PTPN22: variants seen among roughly 807,000 people sequenced by gnomAD.
PTPN22 encodes tyrosine-protein phosphatase non-receptor type 22.
A neutral mutation model predicts 103.3 loss-of-function variants in PTPN22; 85 were observed. The observed-to-expected ratio is 0.82, with a 90% CI of 0.69 to 0.99. The LOEUF (loss-of-function observed/expected upper bound fraction) is 0.99. Ranked by LOEUF, PTPN22 falls within the 50% of genes least tolerant of loss-of-function variation. The pLI, the probability that PTPN22 is intolerant of heterozygous loss-of-function variation, is 0.00. For synonymous variants in PTPN22, 323 were observed against 310.2 expected, an observed-to-expected ratio of 1.04 and a Z score of -0.43; for missense variants, 865 against 936.9, an observed-to-expected ratio of 0.92 and a Z score of 1.00.
chr1:113,832,639 A>G (rs1043314644), intron 16 of PTPN22, among the ~76,000 whole-genome samples: 1 of 152,246 alleles, frequency 6.6e-6, no homozygotes, highest in African/African-American at 2.4e-5. Flanking sequence ...GTATGAATAA[A>G]TATGTTAAGG....
At chr1:113,852,033 T>C (rs1443087930) in exon 10 of PTPN22, 1 of 1,604,542 alleles carries the variant, frequency 6.2e-7, no homozygotes, top group Non-Finnish European at 8.5e-7. Flanking sequence ...ATACCTGCGT[T>C]TGAACTAATG....
At chr1:113,823,307 C>T (rs888528645) in intron 19 of PTPN22, 1 of 152,132 alleles carries the variant, frequency 6.6e-6, no homozygotes, top group Non-Finnish European at 1.5e-5. Context: ...AAGAAGAATC[C>T]TAATTTCATT....
At chr1:113,858,403 C>G (rs1315625322) in intron 4 of PTPN22, 75 bp downstream of exon 4, 3 of 1,077,564 alleles carry the variant, frequency 2.8e-6, no homozygotes, top group Non-Finnish European at 4.0e-6. Flanking sequence ...CCCTGAAGTT[C>G]CACTGACCAA....
At chr1:113,853,445 G>A (rs1430102714) in intron 9 of PTPN22, among the ~76,000 whole-genome samples, 1 of 145,942 alleles carries the variant, frequency 6.9e-6, no homozygotes, top group Non-Finnish European at 1.5e-5. Context: ...CCACCTCCCA[G>A]GTTCAAGTGA....
intron 20 of PTPN22, chr1:113,815,448 TAAAC>T (rs1661070864): frequency 6.6e-6 from 1 of 152,314 alleles, no homozygotes; most frequent in Non-Finnish European, 1.5e-5. Flanking sequence ...TTAGAAAAAA[TAAAC>T]AATCCTGAAA....
chr1:113,820,182 G>A (rs756732994), intron 19 of PTPN22, among the ~76,000 whole-genome samples: 2 of 152,022 alleles, frequency 1.3e-5, no homozygotes, highest in Non-Finnish European at 2.9e-5. Flanking sequence ...AACCGGGCAC[G>A]GTGACTCACG....
intron 5 of PTPN22, chr1:113,856,935 T>A (rs941042499): frequency 4.2e-5 from 10 of 235,832 alleles, no homozygotes; most frequent in Admixed American, 3.0e-4. Flanking sequence ...AAATACCTAG[T>A]TCCCTTGCTT....
Position 113,829,875 on chromosome 1 carries a change from A to T in PTPN22, c.2134+74T>A, listed in dbSNP as rs1301770405. The T allele has an allele frequency of 5.1e-6, 7 of 1,373,938 alleles. No individual in the cohort carries two copies. The African/African-American group carries it at 1.0e-4, about 20-fold the overall frequency. 85.1% of individuals were successfully genotyped at this position (1,373,938 alleles called of 1,614,324 possible). A position where few individuals can be genotyped will look rare whatever the true frequency, so the allele number is the denominator to read the frequency against. Reference sequence around the variant, plus strand: ...TAATCATTTTTGTACCTTTCCATTTAGGTCCTACTTTATTGTTAATCTTTT... The same window carrying T: ...TAATCATTTTTGTACCTTTCCATTTTGGTCCTACTTTATTGTTAATCTTTT... On this transcript the variant is annotated intron_variant, in intron 17 of 20. Coordinates refer to ENST00000359785, the Ensembl canonical transcript of PTPN22.
At chr1:113,865,092 TA>T (rs1666011645) in intron 1 of PTPN22, among the ~76,000 whole-genome samples, 1 of 152,206 alleles carries the variant, frequency 6.6e-6, no homozygotes, top group African/African-American at 2.4e-5. Flanking sequence ...ATAGCCATTT[TA>T]AAAGGTTCTT....
At chr1:113,848,705 A>G (rs1664308210) in intron 10 of PTPN22, 79 bp from the exon 11 acceptor site, 9 of 1,286,716 alleles carry the variant, frequency 7.0e-6, no homozygotes, top group Non-Finnish European at 9.9e-6. Context: ...TTTTAGGAAT[A>G]TGAACACCAA....
intron 5 of PTPN22, 115 bp from the exon 6 acceptor site, chr1:113,856,734 A>AC (rs1665115176): frequency 1.1e-5 from 16 of 1,401,708 alleles, no homozygotes; most frequent in Non-Finnish European, 1.6e-5. Context: ...GGTGCGTCTA[A>AC]CCCCTTTGGG....
chr1:113,822,040 G>T (rs1661658059), intron 19 of PTPN22, among the ~76,000 whole-genome samples: 1 of 152,144 alleles, frequency 6.6e-6, no homozygotes, highest in African/African-American at 2.4e-5. Context: ...TCATAAGCCT[G>T]AACTCACATG....
intron 1 of PTPN22, among the ~76,000 whole-genome samples, chr1:113,865,039 G>T (rs946064753): frequency 3.3e-5 from 5 of 152,214 alleles, no homozygotes; most frequent in Non-Finnish European, 5.9e-5. Context: ...ACAAGAAAAT[G>T]AGCATGCTAT....
chr1:113,829,916 A>G (rs887682591), intron 17 of PTPN22, 33 bp downstream of exon 17: 6 of 1,526,316 alleles, frequency 3.9e-6, no homozygotes, highest in Middle Eastern at 1.7e-4. Context: ...TTTCATTTTT[A>G]TGATTTTTTT....
chr1:113,824,828 A>G (rs982040423), intron 19 of PTPN22, among the ~76,000 whole-genome samples: 2 of 152,042 alleles, frequency 1.3e-5, no homozygotes, highest in African/African-American at 4.8e-5. Context: ...GTGAAACCCC[A>G]TCTCTGCTAT....
chr1:113,832,954 C>T, intron 16 of PTPN22, 157 bp downstream of exon 16: 1 of 697,806 alleles, frequency 1.4e-6, no homozygotes, highest in Middle Eastern at 2.7e-4. Flanking sequence ...TTGCTCTTTA[C>T]AAAATTTCTA....
At chr1:113,816,047 G>A (rs189814846) in intron 20 of PTPN22, among the ~76,000 whole-genome samples, 2 of 152,294 alleles carry the variant, frequency 1.3e-5, no homozygotes, top group East Asian at 1.9e-4. Flanking sequence ...GAAATGAAAT[G>A]TTTGAAGTAT....
intron 1 of PTPN22, among the ~76,000 whole-genome samples, chr1:113,860,517 T>G (rs1665483390): frequency 6.6e-6 from 1 of 152,180 alleles, no homozygotes; most frequent in Admixed American, 6.5e-5. Flanking sequence ...GATACTGAAC[T>G]GATATCTTTT....
At chr1:113,844,911 C>T (rs1256876080) in intron 11 of PTPN22, among the ~76,000 whole-genome samples, 1 of 152,150 alleles carries the variant, frequency 6.6e-6, no homozygotes, top group African/African-American at 2.4e-5. Flanking sequence ...CTTGACCTCC[C>T]AGGCTCAAGC....
Sources: gnomAD v4.1 joint callset for allele counts (sites outside exome capture counted in the v4.1 genomes callset) on GRCh38, gnomAD v4.1.1 for gene constraint, MANE v1.5 for transcripts, NCBI Gene and HGNC (gene_info 2026-07-23, HGNC 2026-07-21) for gene names.